CCDC88A: variants seen among roughly 807,000 people sequenced by gnomAD.
The protein encoded by CCDC88A is girdin.
CCDC88A carries 54 observed loss-of-function variants against 234.3 expected under a neutral mutation model. The ratio of observed to expected loss-of-function variants is 0.23; its 90% confidence interval spans 0.19 to 0.29. The LOEUF (loss-of-function observed/expected upper bound fraction) is 0.29, where lower values mean the gene tolerates loss of function less well. Among genes scored for constraint, CCDC88A ranks in the 10% least tolerant of loss-of-function variants. The pLI, the probability that CCDC88A is intolerant of heterozygous loss-of-function variation, is 1.00. For synonymous variants in CCDC88A, 753 were observed against 737.8 expected (o/e 1.02, Z -0.33); for missense variants, 1,832 against 2,123.4 (o/e 0.86, Z 2.70).
At chr2:55,363,806 G>C in intron 6 of CCDC88A, 144 bp downstream of exon 6, 1 of 518,426 alleles carries the variant, frequency 1.9e-6, no homozygotes, top group Non-Finnish European at 3.4e-6. Flanking sequence ...CTAAAGAGAA[G>C]ACAATTTGTA....
At chr2:55,393,298 T>TTG (rs1407874543) in intron 2 of CCDC88A, among the ~76,000 whole-genome samples, 1 of 129,586 alleles carries the variant, frequency 7.7e-6, no homozygotes, top group Non-Finnish European at 1.6e-5. Flanking sequence ...GGTTTTTTTT[T>TTG]TTTTTTTTTT....
intron 5 of CCDC88A, among the ~76,000 whole-genome samples, chr2:55,369,448 ACTTT>A (rs1167885168): frequency 3.7e-5 from 4 of 107,108 alleles, no homozygotes; most frequent in Admixed American, 1.9e-4. Context: ...TTTCAACCAC[ACTTT>A]TTTTTTTTTT....
In CCDC88A at chr2:55,290,913, G is replaced by C. The variant is rs1036635148; in HGVS notation, c.*287C>G. ...AACACCTGGTCCTTAGTGAGAGAAC[G>C]TCCTTTATTCAGTAGATCTTAACAG... is the stretch of plus-strand genomic sequence containing the variant. On this transcript the variant is annotated 3_prime_UTR_variant, in exon 33 of 33. Coordinates refer to ENST00000436346, the MANE Select transcript of CCDC88A (RefSeq NM_001365480.1). 6.6e-6 allele frequency: 1 copy of C among 152,456 alleles called. No homozygotes were observed. The highest frequency in any genetic ancestry group is 1.5e-5 in the Non-Finnish European group (1 of 67,948). 9.4% of individuals were successfully genotyped at this position (152,456 alleles called of 1,614,324 possible).
intron 3 of CCDC88A, among the ~76,000 whole-genome samples, chr2:55,380,481 G>A (rs1052526335): frequency 6.6e-6 from 1 of 151,932 alleles, no homozygotes; most frequent in African/African-American, 2.4e-5. Flanking sequence ...AGAAAGAACT[G>A]GCAGAGATTA....
chr2:55,343,197 G>T (rs1227806173), intron 12 of CCDC88A, among the ~76,000 whole-genome samples: 1 of 152,098 alleles, frequency 6.6e-6, no homozygotes, highest in Non-Finnish European at 1.5e-5. Context: ...CATATTACAA[G>T]TAGTCATGAA....
chr2:55,397,130 A>T (rs1411733076), intron 2 of CCDC88A: 2 of 151,996 alleles, frequency 1.3e-5, no homozygotes, highest in Admixed American at 1.3e-4. Flanking sequence ...TCGCTCTGTC[A>T]CCCAGGCTGG....
At chr2:55,360,732 CT>C (rs950641360) in intron 7 of CCDC88A, among the ~76,000 whole-genome samples, 1 of 151,766 alleles carries the variant, frequency 6.6e-6, no homozygotes, top group East Asian at 1.9e-4. Flanking sequence ...TGGGATCAAA[CT>C]TTTTTTTTGA....
intron 23 of CCDC88A, among the ~76,000 whole-genome samples, chr2:55,311,767 C>A (rs113019666): frequency 0.013 from 1,948 of 152,284 alleles, 38 homozygotes; most frequent in African/African-American, 0.045. Flanking sequence ...AAATGTGAGT[C>A]TTAACAGATT....
intron 3 of CCDC88A, among the ~76,000 whole-genome samples, chr2:55,379,462 A>AT (rs144563235): frequency 0.016 from 2,377 of 152,376 alleles, 68 homozygotes; most frequent in African/African-American, 0.054. Context: ...CAGGGCAGTC[A>AT]TTTATTCAAC....
chr2:55,295,235 T>G, intron 31 of CCDC88A: 1 of 1,337,190 alleles, frequency 7.5e-7, no homozygotes, highest in Non-Finnish European at 9.9e-7. Flanking sequence ...GTTCATTTTC[T>G]TTCTGTGCAG....
chr2:55,384,198 G>T (rs924399770), intron 3 of CCDC88A, among the ~76,000 whole-genome samples: 1 of 151,096 alleles, frequency 6.6e-6, no homozygotes, highest in African/African-American at 2.4e-5. Context: ...AATAAAAAAT[G>T]TAAACACATA....
At chr2:55,391,184 G>C (rs1676581137) in intron 2 of CCDC88A, among the ~76,000 whole-genome samples, 1 of 152,142 alleles carries the variant, frequency 6.6e-6, no homozygotes, top group Non-Finnish European at 1.5e-5. Context: ...ATACAGCAGA[G>C]ACCGCAGAAG....
At chr2:55,300,858 T>C (rs1310501384) in intron 28 of CCDC88A, 1 of 177,234 alleles carries the variant, frequency 5.6e-6, no homozygotes, top group Non-Finnish European at 1.2e-5. Flanking sequence ...ATATTTTTAA[T>C]ATTTTAAACT....
Position 55,335,172 on chromosome 2 carries a change from GA to G in CCDC88A, c.1657-9del, listed in dbSNP as rs1558690220. 2 of 1,415,078 alleles carry G rather than the reference GA, an allele frequency of 1.4e-6. No individual in the cohort carries two copies. The highest frequency in any genetic ancestry group is 2.9e-5 in the African/African-American group (2 of 68,406). 87.7% of individuals were successfully genotyped at this position (1,415,078 alleles called of 1,614,324 possible). On this transcript the variant is annotated splice_polypyrimidine_tract_variant and intron_variant, in intron 14 of 32. Transcript: ENST00000436346. The surrounding 1 kb of genome is among the most constrained non-coding windows in gnomAD (Gnocchi z 4.5). ...CTGTTCCAGTATCTTAATCTAATTTGAAAAGAAAATAATTAAAAGCTGTAAT... is the reference window on the plus strand; with the variant it reads ...CTGTTCCAGTATCTTAATCTAATTTGAAAGAAAATAATTAAAAGCTGTAAT...
intron 25 of CCDC88A, among the ~76,000 whole-genome samples, chr2:55,307,269 T>C (rs903392962): frequency 2.0e-4 from 31 of 152,370 alleles, no homozygotes; most frequent in African/African-American, 7.5e-4. Context: ...AAGGTTATAA[T>C]TGTATAGAGC....
At chr2:55,331,774 A>T (rs149116086) in intron 16 of CCDC88A, 1 of 152,156 alleles carries the variant, frequency 6.6e-6, no homozygotes, top group Admixed American at 6.5e-5. Flanking sequence ...TTTTTTATCC[A>T]GCTTTTAAGG....
Position 55,334,268 on chromosome 2 carries a change from T to C in CCDC88A, c.2553A>G (p.Thr851=), listed in dbSNP as rs528196109. 3.0e-5 allele frequency: 43 copies of C among 1,453,972 alleles called. 1 individual carries two copies. The South Asian group carries it at 7.2e-4, about 24-fold the overall frequency. The allele number at this position is 1,453,972 out of a possible 1,614,324, so 90.1% of individuals were successfully genotyped here. ...CAATCTTCACATTATTTTCTTCTAA[T>C]GTGGTATCTTTAATTTCTGCTTGTT... ...LRQQAEIKDT[T]LEENNVKIGN... The change falls in exon 15 of 33, where the codon ACA becomes ACG. Residue 851 remains threonine (T), a synonymous_variant. Transcript: ENST00000436346. This position sits in a 1 kb window ranked among gnomAD's most constrained non-coding sequence, Gnocchi z 6.1.
At chr2:55,362,183 C>T (rs1007998384) in intron 7 of CCDC88A, 125 bp downstream of exon 7, 41 of 691,506 alleles carry the variant, frequency 5.9e-5, no homozygotes, top group Non-Finnish European at 9.2e-5. Flanking sequence ...GTGTTCCACA[C>T]AAAAAAAGAC....
intron 2 of CCDC88A, chr2:55,405,762 A>G (rs2104962180): frequency 6.6e-6 from 1 of 152,348 alleles, no homozygotes; most frequent in South Asian, 2.1e-4. Context: ...ATGAGAATCT[A>G]ATGGCCCCCG....
Sources: allele counts gnomAD v4.1 joint callset (sites outside exome capture counted in the v4.1 genomes callset), GRCh38; gene constraint gnomAD v4.1.1; non-coding constraint Gnocchi (gnomAD v3.1); transcripts MANE v1.5; gene names NCBI Gene and HGNC (gene_info 2026-07-23, HGNC 2026-07-21).